Variants in STIM2 observed in about 807,000 individuals in gnomAD.
STIM2 encodes stromal interaction molecule 2.
A neutral mutation model predicts 85.8 loss-of-function variants in STIM2; 31 were observed. That is an observed-to-expected ratio of 0.36 (90% confidence interval 0.27 to 0.49). The LOEUF (loss-of-function observed/expected upper bound fraction) is 0.49. Ranked by LOEUF, STIM2 falls within the 20% of genes least tolerant of loss-of-function variation. The pLI is 0.98. For missense variants in STIM2, 841 were observed against 927.6 expected, an observed-to-expected ratio of 0.91 and a Z score of 1.21; for synonymous variants, 356 against 331.1, an observed-to-expected ratio of 1.08 and a Z score of -0.82.
At chr4:26,892,848 C>A (rs1256303396) in intron 1 of STIM2, among the ~76,000 whole-genome samples, 7 of 152,080 alleles carry the variant, frequency 4.6e-5, no homozygotes, top group Non-Finnish European at 8.8e-5. Context: ...TATTAACACA[C>A]GTTGAGGAAA....
chr4:27,015,045 T>G (rs1560241080), intron 10 of STIM2, among the ~76,000 whole-genome samples: 1 of 152,012 alleles, frequency 6.6e-6, no homozygotes, highest in Non-Finnish European at 1.5e-5. Flanking sequence ...TTTCCATTAT[T>G]AGACACTAGA....
chr4:26,958,591 A>G (rs1190521611), intron 3 of STIM2, among the ~76,000 whole-genome samples: 1 of 152,180 alleles, frequency 6.6e-6, no homozygotes, highest in Non-Finnish European at 1.5e-5. Flanking sequence ...AAGATGGTAG[A>G]TAGCTTGCTT....
chr4:26,995,316 T>C, intron 3 of STIM2, 63 bp from the exon 4 acceptor site: 2 of 827,208 alleles, frequency 2.4e-6, no homozygotes, highest in Non-Finnish European at 1.9e-6. Flanking sequence ...TCTGAAATTA[T>C]AGAATATGTA....
chr4:26,913,919 A>G (rs1487720338), intron 1 of STIM2, among the ~76,000 whole-genome samples: 1 of 152,164 alleles, frequency 6.6e-6, no homozygotes, highest in Non-Finnish European at 1.5e-5. Context: ...CTGCCCTGTG[A>G]TAAAGTGCTG....
chr4:26,874,665 GTC>G (rs1236642733), intron 1 of STIM2, among the ~76,000 whole-genome samples: 1 of 152,136 alleles, frequency 6.6e-6, no homozygotes, highest in African/African-American at 2.4e-5. Flanking sequence ...TTGATTTATA[GTC>G]TCACAGATTT....
At chr4:26,976,212 C>T (rs913704693) in intron 3 of STIM2, among the ~76,000 whole-genome samples, 3 of 152,026 alleles carry the variant, frequency 2.0e-5, no homozygotes, top group African/African-American at 4.8e-5. Context: ...TCGGGTGATG[C>T]GATGCCCTGC....
At chr4:27,007,085 C>A (rs1030044874) in intron 7 of STIM2, among the ~76,000 whole-genome samples, 8 of 152,072 alleles carry the variant, frequency 5.3e-5, no homozygotes, top group African/African-American at 1.9e-4. Flanking sequence ...GTGTATCCAC[C>A]CAATTTTGGA....
intron 2 of STIM2, among the ~76,000 whole-genome samples, chr4:26,927,680 TAAAAAAA>T (rs71186498): frequency 5.1e-4 from 12 of 23,464 alleles, no homozygotes; most frequent in South Asian, 5.6e-3. Flanking sequence ...TAGAGTATAA[TAAAAAAA>T]AAAAAAAAAA....
At chr4:26,999,704 C>T (rs1378290732) in intron 5 of STIM2, among the ~76,000 whole-genome samples, 5 of 152,090 alleles carry the variant, frequency 3.3e-5, no homozygotes, top group Admixed American at 6.5e-5. Context: ...TATAGTCTAA[C>T]CATCTTGATG....
intron 1 of STIM2, among the ~76,000 whole-genome samples, chr4:26,915,996 A>G (rs895388457): frequency 3.3e-5 from 5 of 152,236 alleles, no homozygotes; most frequent in African/African-American, 1.2e-4. Context: ...GAAAGTGTCT[A>G]TAAAATATAA....
chr4:26,987,684 A>G (rs539053835), intron 3 of STIM2, among the ~76,000 whole-genome samples: 1 of 152,274 alleles, frequency 6.6e-6, no homozygotes, highest in South Asian at 2.1e-4. Flanking sequence ...TGAAGAACTG[A>G]CGTAGCTCCA....
intron 2 of STIM2, among the ~76,000 whole-genome samples, chr4:26,929,795 C>CT: frequency 6.6e-6 from 1 of 151,714 alleles, no homozygotes; most frequent in East Asian, 1.9e-4. Flanking sequence ...AAATCTGTGC[C>CT]TTTAAGTGAA....
At chr4:26,899,907 C>A (rs1723853547) in intron 1 of STIM2, among the ~76,000 whole-genome samples, 1 of 152,114 alleles carries the variant, frequency 6.6e-6, no homozygotes, top group Admixed American at 6.6e-5. Flanking sequence ...GAGCTAGGTT[C>A]TACTTCTGGC....
At chr4:27,007,492 T>TC (rs745317499) in intron 7 of STIM2, 41 bp from the exon 8 acceptor site, 1 of 1,345,634 alleles carries the variant, frequency 7.4e-7, no homozygotes, top group Non-Finnish European at 9.9e-7. Flanking sequence ...CCTTCCTTCC[T>TC]CCCTCTCTCC....
chr4:26,861,853 A>G (rs183373762), intron 1 of STIM2, among the ~76,000 whole-genome samples: 7 of 152,214 alleles, frequency 4.6e-5, no homozygotes, highest in South Asian at 2.1e-4. Flanking sequence ...GGAGCCTGCT[A>G]AAGGGGATTC....
chr4:26,930,629 T>A (rs77537255), intron 2 of STIM2, among the ~76,000 whole-genome samples: 2,562 of 152,278 alleles, frequency 0.017, 80 homozygotes, highest in African/African-American at 0.059. Context: ...TTTTTATACC[T>A]GTTGGAAAGC....
intron 10 of STIM2, 106 bp downstream of exon 10, chr4:27,009,108 T>C: frequency 1.1e-6 from 1 of 921,652 alleles, no homozygotes; most frequent in Non-Finnish European, 1.7e-6. Context: ...AAAAATTGGG[T>C]TTATCCTTCA....
Position 27,003,044 on chromosome 4 carries a change from A to C in STIM2, c.921A>C (p.Leu307=). 1.2e-6 allele frequency: 2 copies of C among 1,605,428 alleles called. No homozygotes were observed. Residue 307 remains leucine, a synonymous_variant, in exon 7 of 12, where the codon CTA becomes CTC. Transcript: ENST00000467087. ...AGGAGGCTTGTCGGCTGAGAGAGCTAAGGGAGGGAGCTGAATGTGAATTGA... is the reference window on the plus strand; with the variant it reads ...AGGAGGCTTGTCGGCTGAGAGAGCTCAGGGAGGGAGCTGAATGTGAATTGA...
At chr4:26,896,991 C>T (rs750834073) in intron 1 of STIM2, among the ~76,000 whole-genome samples, 26 of 152,280 alleles carry the variant, frequency 1.7e-4, no homozygotes, top group Non-Finnish European at 3.4e-4. Context: ...CAGCATAATA[C>T]TCTTAAGATC....
Sources: gnomAD v4.1 joint callset for allele counts (sites outside exome capture counted in the v4.1 genomes callset) on GRCh38, gnomAD v4.1.1 for gene constraint, MANE v1.5 for transcripts, NCBI Gene and HGNC (gene_info 2026-07-23, HGNC 2026-07-21) for gene names.